NPAS3: variants seen among roughly 807,000 people sequenced by gnomAD.
NPAS3 encodes neuronal PAS domain protein 3.
A neutral mutation model predicts 73.1 loss-of-function variants in NPAS3; 14 were observed. The observed-to-expected ratio is 0.19, with a 90% CI of 0.13 to 0.30. The LOEUF (loss-of-function observed/expected upper bound fraction) is 0.30, where lower values mean the gene tolerates loss of function less well. NPAS3 is among the 10% of genes least tolerant of loss of function. The pLI, the probability that NPAS3 is intolerant of heterozygous loss-of-function variation, is 1.00. For missense variants in NPAS3, 1,096 were observed against 1,250.0 expected (o/e 0.88, Z 1.86); for synonymous variants, 620 against 541.5 (o/e 1.14, Z -2.01).
At chr14:33,429,772 T>G (rs78524582) in intron 4 of NPAS3, among the ~76,000 whole-genome samples, 240 of 152,248 alleles carry the variant, frequency 1.6e-3, no homozygotes, top group Non-Finnish European at 2.6e-3. Context: ...AGGTACATTT[T>G]GAAAGTTGGA....
At chr14:33,064,464 G>T (rs911294475) in intron 2 of NPAS3, among the ~76,000 whole-genome samples, 2 of 152,096 alleles carry the variant, frequency 1.3e-5, no homozygotes, top group Non-Finnish European at 2.9e-5. Flanking sequence ...AATGGCCTTG[G>T]ATTTGTGTTA....
At chr14:33,284,638 A>G (rs1327034503) in intron 3 of NPAS3, among the ~76,000 whole-genome samples, 1 of 152,154 alleles carries the variant, frequency 6.6e-6, no homozygotes, top group Non-Finnish European at 1.5e-5. Flanking sequence ...TCTCCAAATA[A>G]TGAGAAAGAA....
chr14:33,788,635 G>A (rs2063251985), intron 9 of NPAS3, among the ~76,000 whole-genome samples: 5 of 152,132 alleles, frequency 3.3e-5, no homozygotes, highest in Admixed American at 6.5e-5. Flanking sequence ...AAGAGACCAC[G>A]TTCTCTTTTT....
At chr14:33,344,414 C>G (rs1002442334) in intron 3 of NPAS3, among the ~76,000 whole-genome samples, 4 of 152,122 alleles carry the variant, frequency 2.6e-5, no homozygotes, top group Admixed American at 1.3e-4. Context: ...CATGTATATG[C>G]CATAATCAGT....
chr14:33,622,080 A>G (rs1031612132), intron 5 of NPAS3, among the ~76,000 whole-genome samples: 8 of 152,190 alleles, frequency 5.3e-5, no homozygotes, highest in African/African-American at 1.7e-4. Context: ...TGAAGTGGCA[A>G]TCTGTCTGCT....
At chr14:32,987,613 T>C (rs1190440360) in intron 1 of NPAS3, among the ~76,000 whole-genome samples, 1 of 152,200 alleles carries the variant, frequency 6.6e-6, no homozygotes, top group Non-Finnish European at 1.5e-5. Context: ...TGCTGTGGTC[T>C]TTATAAAACA....
At position 33,675,729 on chromosome 14, in the gene NPAS3, A is replaced by T. The variant is rs2059742840; in HGVS notation, c.559-482A>T. ...TAAATTTACATGGAAATCAGATGAT[A>T]TGTATAAAAACACATCTTGGAAATC... On this transcript the variant is annotated intron_variant, in intron 5 of 11. Transcript: ENST00000356141. Among the ~76,000 whole-genome samples, 5 of 152,224 alleles carry T rather than the reference A, an allele frequency of 3.3e-5. 1 individual carries two copies. In the South Asian group the frequency reaches 1.0e-3, roughly 31 times the overall value.
intron 5 of NPAS3, among the ~76,000 whole-genome samples, chr14:33,595,514 T>G (rs1038417695): frequency 1.3e-5 from 2 of 152,248 alleles, no homozygotes; most frequent in African/African-American, 4.8e-5. Context: ...TTAAAGTATA[T>G]TACATATTTA....
chr14:33,318,888 C>A (rs963146825), intron 3 of NPAS3, among the ~76,000 whole-genome samples: 11 of 152,174 alleles, frequency 7.2e-5, no homozygotes, highest in South Asian at 6.2e-4. Flanking sequence ...CCTTAGAATC[C>A]GTACAGTTAT....
chr14:33,082,698 C>G (rs2138732829), intron 2 of NPAS3, among the ~76,000 whole-genome samples: 1 of 152,282 alleles, frequency 6.6e-6, no homozygotes, highest in Admixed American at 6.5e-5. Context: ...TTAGGGCTGG[C>G]CCAAGTTTAG....
intron 3 of NPAS3, among the ~76,000 whole-genome samples, chr14:33,257,076 T>C (rs1256605974): frequency 2.0e-5 from 3 of 152,178 alleles, no homozygotes; most frequent in Non-Finnish European, 2.9e-5. Flanking sequence ...CTGACTTTCT[T>C]TCCCACTGGG....
At chr14:33,776,038 A>G (rs75765195) in intron 8 of NPAS3, among the ~76,000 whole-genome samples, 2,110 of 152,328 alleles carry the variant, frequency 0.014, 37 homozygotes, top group Middle Eastern at 0.044. Flanking sequence ...CCATGTAGTT[A>G]GCTACATCCT....
chr14:33,057,057 T>C (rs2138542835), intron 2 of NPAS3, among the ~76,000 whole-genome samples: 1 of 134,068 alleles, frequency 7.5e-6, no homozygotes, highest in African/African-American at 3.3e-5. Flanking sequence ...CTTTCTTTCA[T>C]GGTTTCCATT....
intron 4 of NPAS3, among the ~76,000 whole-genome samples, chr14:33,395,509 TTATC>T (rs982340579): frequency 2.0e-5 from 3 of 152,014 alleles, no homozygotes; most frequent in Non-Finnish European, 4.4e-5. Flanking sequence ...TAAACATGAA[TTATC>T]TATCTGAAGT....
At chr14:33,708,867 G>T (rs536885872) in intron 6 of NPAS3, among the ~76,000 whole-genome samples, 1 of 152,296 alleles carries the variant, frequency 6.6e-6, no homozygotes, top group African/African-American at 2.4e-5. Flanking sequence ...GTGGGTCTTT[G>T]GTAGGATTGA....
intron 3 of NPAS3, among the ~76,000 whole-genome samples, chr14:33,286,543 G>T (rs2041881489): frequency 6.6e-6 from 1 of 152,140 alleles, no homozygotes; most frequent in Non-Finnish European, 1.5e-5. Context: ...TTGAATGCGG[G>T]TAGTTATCTC....
chr14:33,733,667 T>C (rs1051763773), intron 6 of NPAS3, among the ~76,000 whole-genome samples: 1 of 152,190 alleles, frequency 6.6e-6, no homozygotes, highest in Non-Finnish European at 1.5e-5. Flanking sequence ...GTAATTCATA[T>C]TTAATCAGAA....
At chr14:33,361,221 G>T (rs1186124168) in intron 3 of NPAS3, among the ~76,000 whole-genome samples, 1 of 152,172 alleles carries the variant, frequency 6.6e-6, no homozygotes, top group African/African-American at 2.4e-5. Flanking sequence ...GTACTAAGAG[G>T]TCCCTGTAAT....
intron 4 of NPAS3, among the ~76,000 whole-genome samples, chr14:33,442,350 G>A (rs1392586193): frequency 6.6e-6 from 1 of 152,016 alleles, no homozygotes; most frequent in East Asian, 1.9e-4. Flanking sequence ...GGTGGGAGGA[G>A]GGAGGATTGC....
Sources: allele counts gnomAD v4.1 joint callset (sites outside exome capture counted in the v4.1 genomes callset), GRCh38; gene constraint gnomAD v4.1.1; transcripts MANE v1.5; gene names NCBI Gene and HGNC (gene_info 2026-07-23, HGNC 2026-07-21).